Variants in KDM4B observed in about 807,000 individuals in gnomAD.
KDM4B encodes the protein lysine demethylase 4B.
In KDM4B, 32 loss-of-function variants were observed where a neutral mutation model predicts 125.2. That is an observed-to-expected ratio of 0.26 (90% confidence interval 0.19 to 0.34). The LOEUF (loss-of-function observed/expected upper bound fraction) is 0.34, where lower values mean the gene tolerates loss of function less well. Ranked by LOEUF, KDM4B falls within the 10% of genes least tolerant of loss-of-function variation. The pLI, the probability that KDM4B is intolerant of heterozygous loss-of-function variation, is 1.00. For synonymous variants in KDM4B, 721 were observed against 677.9 expected (o/e 1.06, Z -0.99); for missense variants, 1,190 against 1,577.7 (o/e 0.75, Z 4.16).
intron 22 of KDM4B, 66 bp downstream of exon 22, chr19:5,150,516 G>C: frequency 8.5e-7 from 1 of 1,178,912 alleles, no homozygotes; most frequent in Non-Finnish European, 1.2e-6. Context: ...ACGAGGCAGG[G>C]CACAGACTGC....
intron 2 of KDM4B, among the ~76,000 whole-genome samples, chr19:5,017,895 C>T (rs2035942904): frequency 6.6e-6 from 1 of 151,572 alleles, no homozygotes; most frequent in African/African-American, 2.4e-5. Context: ...AGCCTGCCAC[C>T]ACGCCCGGCT....
intron 7 of KDM4B, 67 bp from the exon 8 acceptor site, chr19:5,077,300 G>A: frequency 1.5e-6 from 2 of 1,367,038 alleles, no homozygotes; most frequent in South Asian, 1.2e-5. Context: ...CTGCCCAGAG[G>A]GCAGCATCCT....
At chr19:5,085,678 C>T (rs1198769723) in intron 9 of KDM4B, among the ~76,000 whole-genome samples, 1 of 152,226 alleles carries the variant, frequency 6.6e-6, no homozygotes, top group Non-Finnish European at 1.5e-5. Context: ...CCCCCAGCCC[C>T]GCTGTCCCAG....
At position 5,095,686 on chromosome 19, in the gene KDM4B, C is replaced by G. The variant is rs538124374; in HGVS notation, c.918+13182C>G. Reference sequence around the variant, plus strand: ...GAGGAGGGAGAGGGCTGGGAGCAGCCAGGGTGGACCCCTCAACCTGGATCA... The same window carrying G: ...GAGGAGGGAGAGGGCTGGGAGCAGCGAGGGTGGACCCCTCAACCTGGATCA... On this transcript the variant is annotated intron_variant, in intron 9 of 22. Transcript: ENST00000159111. Among the ~76,000 whole-genome samples the G allele has an allele frequency of 5.8e-4, 88 of 151,672 alleles. No homozygotes were observed. In the South Asian group the frequency reaches 0.01, roughly 18 times the overall value.
At chr19:5,088,666 C>A (rs1433640794) in intron 9 of KDM4B, among the ~76,000 whole-genome samples, 1 of 42,480 alleles carries the variant, frequency 2.4e-5, no homozygotes, top group African/African-American at 8.5e-5. Flanking sequence ...CCCCCCCCCT[C>A]CCCCCCCCCG....
chr19:5,039,056 C>T (rs1391037920), intron 3 of KDM4B, among the ~76,000 whole-genome samples: 1 of 152,252 alleles, frequency 6.6e-6, no homozygotes, highest in East Asian at 1.9e-4. Context: ...CCCTGGTGGG[C>T]TCTTGGTAGC....
rs187942617 is a variant in KDM4B at position 5,142,035 on chromosome 19, G to A, written c.2551-1932G>A. Among the ~76,000 whole-genome samples the A allele has an allele frequency of 2.6e-3, 396 of 152,318 alleles. No homozygotes were observed. Among genetic ancestry groups the A allele is most frequent in the Non-Finnish European group, 4.0e-3 (273 of 68,020 alleles). On this transcript the variant is annotated intron_variant, in intron 18 of 22. Transcript: ENST00000159111. This position sits in a 1 kb window ranked among gnomAD's most constrained non-coding sequence, Gnocchi z 5.4. ...TGGTGGACAGCCACTGCGCCTCAGT[G>A]TGTGACAGGCTGAGGACACAGCTTC...
rs1480644719 is a variant in KDM4B at position 4,971,623 on chromosome 19, T to A, written c.-109+2393T>A. Among the ~76,000 whole-genome samples the A allele has an allele frequency of 6.6e-6, 1 of 151,288 alleles. No homozygotes were observed. The highest frequency in any genetic ancestry group is 2.1e-4 in the South Asian group (1 of 4,792). On this transcript the variant is annotated intron_variant, in intron 1 of 22. Transcript: ENST00000159111. The surrounding 1 kb of genome is among the most constrained non-coding windows in gnomAD (Gnocchi z 4.1). Reference sequence around the variant, plus strand: ...CCATGCCGGGACAGGTTGGGAGGAGTCCCTGGCTCCTGTGGGTTTAGAGTG... The same window carrying A: ...CCATGCCGGGACAGGTTGGGAGGAGACCCTGGCTCCTGTGGGTTTAGAGTG...
At chr19:5,126,657 GA>G in intron 11 of KDM4B, among the ~76,000 whole-genome samples, 1 of 152,244 alleles carries the variant, frequency 6.6e-6, no homozygotes, top group South Asian at 2.1e-4. Flanking sequence ...GCCATGTCTG[GA>G]GGGCGGCCCC....
chr19:5,086,425 T>C (rs1308883417), intron 9 of KDM4B, among the ~76,000 whole-genome samples: 1 of 152,194 alleles, frequency 6.6e-6, no homozygotes, highest in Non-Finnish European at 1.5e-5. Flanking sequence ...ATGTGTGACC[T>C]GTGACAGCCG....
At chr19:5,086,645 T>TC (rs150507498) in intron 9 of KDM4B, among the ~76,000 whole-genome samples, 260 of 148,850 alleles carry the variant, frequency 1.7e-3, no homozygotes, top group African/African-American at 4.9e-3. Context: ...AGCCACCTCC[T>TC]CCCCCCCCCA....
rs79810674 is a variant in KDM4B, at chr19:5,030,992, T to G, written c.-25-1874T>G. On this transcript the variant is annotated intron_variant, in intron 2 of 22. Coordinates refer to ENST00000159111, the MANE Select transcript of KDM4B (RefSeq NM_015015.3). ...CCAGAGGGCTGCCCTGACAGGTGCCTTGGCAGCTCCCATCGTGGCTACTGG... is the reference window on the plus strand; with the variant it reads ...CCAGAGGGCTGCCCTGACAGGTGCCGTGGCAGCTCCCATCGTGGCTACTGG... Among the ~76,000 whole-genome samples the G allele has an allele frequency of 1.9e-3, 297 of 152,312 alleles. 2 individuals are homozygous for G. The highest frequency in any genetic ancestry group is 6.8e-3 in the African/African-American group (284 of 41,578).
At chr19:4,979,100 T>C (rs1342737375) in intron 1 of KDM4B, among the ~76,000 whole-genome samples, 1 of 151,828 alleles carries the variant, frequency 6.6e-6, no homozygotes, top group Non-Finnish European at 1.5e-5. Context: ...AAGGGCAACA[T>C]GGCAAGACCC....
chr19:5,143,735 G>T (rs781694651), intron 18 of KDM4B, among the ~76,000 whole-genome samples: 1 of 152,166 alleles, frequency 6.6e-6, no homozygotes, highest in Admixed American at 6.5e-5. Flanking sequence ...AGGGGGGATG[G>T]GAGAGGACTC....
intron 5 of KDM4B, among the ~76,000 whole-genome samples, chr19:5,046,148 C>T (rs959188324): frequency 1.3e-5 from 2 of 152,336 alleles, no homozygotes. Flanking sequence ...AGTGATGACC[C>T]GGGAGGGACT....
rs2039217508 is a variant in KDM4B, at chr19:5,114,480, A to G, written c.1115+3662A>G. The G allele has an allele frequency of 2.7e-6, 1 of 374,054 alleles. No individual in the cohort carries two copies. The highest frequency in any genetic ancestry group is 5.4e-6 in the Non-Finnish European group (1 of 185,432). The allele number at this position is 374,054 out of a possible 1,614,324, so 23.2% of individuals were successfully genotyped here. Reference sequence around the variant, plus strand: ...GCATTCCTGAGCCCTCCCCACCAACAGGGACCTCAGCCCTCAGGGACAGAA... The same window carrying G: ...GCATTCCTGAGCCCTCCCCACCAACGGGGACCTCAGCCCTCAGGGACAGAA... On this transcript the variant is annotated intron_variant, in intron 10 of 22. Coordinates refer to ENST00000159111, the MANE Select transcript of KDM4B (RefSeq NM_015015.3). The surrounding 1 kb of genome is among the most constrained non-coding windows in gnomAD (Gnocchi z 5.8).
chr19:5,116,235 TAA>T (rs35940660), intron 10 of KDM4B, among the ~76,000 whole-genome samples: 50 of 40,378 alleles, frequency 1.2e-3, no homozygotes, highest in African/African-American at 3.9e-3. Context: ...ACCACATCTC[TAA>T]AAAAAAAAAA....
chr19:4,973,836 A>AC (rs1198584748), intron 1 of KDM4B, among the ~76,000 whole-genome samples: 10,682 of 150,588 alleles, frequency 0.071, 441 homozygotes, highest in Non-Finnish European at 0.085. Context: ...AAAAAAAAAA[A>AC]AAAAAAAAAC....
Position 5,135,519 on chromosome 19 carries a change from C to T in KDM4B, c.2266C>T (p.Pro756Ser), listed in dbSNP as rs536472624. 2 of 1,609,634 alleles carry T rather than the reference C, an allele frequency of 1.2e-6. No homozygotes were observed. The highest frequency in any genetic ancestry group is 2.2e-5 in the East Asian group (1 of 44,758). Residue 756 changes from proline to serine, a missense_variant, in exon 15 of 23, where the codon CCC (proline) becomes TCC (serine). This residue lies in a region of KDM4B where 298 missense variants were observed against 439.7 expected (regional missense o/e 0.68). Coordinates refer to ENST00000159111, the MANE Select transcript of KDM4B (RefSeq NM_015015.3). The stretch of plus-strand genomic sequence containing the variant: ...CTACATCGGCGACGACGGGACCAGC[C>T]CCCTGATCGCCTGCGGCAAGTGCTG... ...NSYIGDDGTSPLIACGKCCLQ... is the reference protein window; with the variant it reads ...NSYIGDDGTSSLIACGKCCLQ...
Sources: gnomAD v4.1 joint callset for allele counts (sites outside exome capture counted in the v4.1 genomes callset) on GRCh38, gnomAD v4.1.1 for gene constraint, gnomAD v4.1.1 regional missense constraint, Gnocchi (gnomAD v3.1) non-coding constraint, MANE v1.5 for transcripts, NCBI Gene and HGNC (gene_info 2026-07-23, HGNC 2026-07-21) for gene names.